The following EIF4H variants were observed in gnomAD, a reference collection of about 807,000 sequenced individuals.
The protein encoded by EIF4H is Williams-Beuren syndrome chromosome region 1.
Under a neutral mutation model 30.6 loss-of-function variants are expected in EIF4H, and 8 were observed. The ratio of observed to expected loss-of-function variants is 0.26; its 90% CI spans 0.15 to 0.47. The LOEUF is 0.47. Ranked by LOEUF, EIF4H falls within the 20% of genes least tolerant of loss-of-function variation. The pLI, the probability that EIF4H is intolerant of heterozygous loss-of-function variation, is 0.99. For missense variants in EIF4H, 188 were observed against 339.5 expected (o/e 0.55, Z 3.51); for synonymous variants, 106 against 122.7 (o/e 0.86, Z 0.90).
intron 5 of EIF4H, 87 bp downstream of exon 5, chr7:74,190,393 G>A: frequency 7.5e-7 from 1 of 1,342,052 alleles, no homozygotes; most frequent in Non-Finnish European, 1.1e-6. Flanking sequence ...CGCCTGGCCG[G>A]ACTACTTATT....
In EIF4H at chr7:74,195,094, C is replaced by G. The variant is rs1801313845; in HGVS notation, c.608-75C>G. The stretch of plus-strand genomic sequence containing the variant: ...AGAAAGTGGGCTGGTTTGCTGACAG[C>G]AACATCAGCATGGTCGTTTTGCTGG... On this transcript the variant is annotated intron_variant, in intron 6 of 6. Transcript: ENST00000265753. The G allele has an allele frequency of 1.9e-6, 3 of 1,572,516 alleles. No individual in the cohort carries two copies. In the Admixed American group the frequency reaches 5.3e-5, roughly 28 times the overall value.
At chr7:74,179,715 T>C (rs373391728) in intron 1 of EIF4H, among the ~76,000 whole-genome samples, 1 of 152,070 alleles carries the variant, frequency 6.6e-6, no homozygotes, top group African/African-American at 2.4e-5. Context: ...GTTGGTGATT[T>C]GGAAAGGACC....
intron 5 of EIF4H, chr7:74,191,050 C>A: frequency 1.5e-5 from 6 of 401,696 alleles, no homozygotes; most frequent in Middle Eastern, 6.5e-4. Flanking sequence ...GCACCCTCCC[C>A]CCATCAAAAC....
intron 1 of EIF4H, among the ~76,000 whole-genome samples, chr7:74,177,551 C>G (rs1554707848): frequency 6.6e-6 from 1 of 152,084 alleles, no homozygotes; most frequent in African/African-American, 2.4e-5. Context: ...TACTTCCTGT[C>G]TCTGAGCATA....
At chr7:74,194,716 A>T (rs907930408) in intron 5 of EIF4H, 25 bp from the exon 6 acceptor site, 21 of 1,545,644 alleles carry the variant, frequency 1.4e-5, no homozygotes, top group Non-Finnish European at 1.6e-5. Context: ...TTGAAAAGTA[A>T]TTCAGTGTCC....
At chr7:74,189,470 A>G (rs1378330477) in intron 2 of EIF4H, among the ~76,000 whole-genome samples, 1 of 152,226 alleles carries the variant, frequency 6.6e-6, no homozygotes, top group Non-Finnish European at 1.5e-5. Context: ...GTGCATGTTC[A>G]GTTAGCATTT....
intron 5 of EIF4H, chr7:74,191,051 C>T (rs1456884242): frequency 3.0e-5 from 12 of 402,782 alleles, no homozygotes; most frequent in South Asian, 7.1e-5. Context: ...CACCCTCCCC[C>T]CATCAAAACA....
chr7:74,182,841 C>T (rs1353676121), intron 1 of EIF4H, among the ~76,000 whole-genome samples: 2 of 152,318 alleles, frequency 1.3e-5, no homozygotes, highest in Admixed American at 6.5e-5. Flanking sequence ...TCTGGCTCAC[C>T]CTAAGGGTTC....
At chr7:74,192,072 C>T (rs1430270849) in intron 5 of EIF4H, among the ~76,000 whole-genome samples, 3 of 152,210 alleles carry the variant, frequency 2.0e-5, no homozygotes, top group African/African-American at 4.8e-5. Flanking sequence ...AGCCACCGCG[C>T]CCGGCCCCCA....
intron 1 of EIF4H, among the ~76,000 whole-genome samples, chr7:74,180,898 G>A (rs1800944355): frequency 6.6e-6 from 1 of 152,202 alleles, no homozygotes; most frequent in Non-Finnish European, 1.5e-5. Context: ...ACTGCTGCTT[G>A]AGCTAAATAA....
At chr7:74,185,949 G>C (rs1801070765) in intron 1 of EIF4H, among the ~76,000 whole-genome samples, 1 of 151,480 alleles carries the variant, frequency 6.6e-6, no homozygotes, top group Non-Finnish European at 1.5e-5. Flanking sequence ...TTTTCCTCCT[G>C]AGTTTTCCAA....
chr7:74,183,790 C>G (rs1179184910), intron 1 of EIF4H: 1 of 152,122 alleles, frequency 6.6e-6, no homozygotes, highest in African/African-American at 2.4e-5. Context: ...CTCTGGGGTA[C>G]TCACATCCTA....
intron 1 of EIF4H, among the ~76,000 whole-genome samples, chr7:74,175,375 A>G (rs1383679723): frequency 6.6e-6 from 1 of 152,218 alleles, no homozygotes; most frequent in African/African-American, 2.4e-5. Context: ...GTTTTCTTGC[A>G]GAAAGGATTA....
Position 74,195,424 on chromosome 7 carries a change from A to C in EIF4H, c.*116A>C. ...CTGCGCCTGCCATTGGCCTCCTCACAGCGGAAACACAGCTTGTGAGTGCAT... is the reference window on the plus strand; with the variant it reads ...CTGCGCCTGCCATTGGCCTCCTCACCGCGGAAACACAGCTTGTGAGTGCAT... On this transcript the variant is annotated 3_prime_UTR_variant, in exon 7 of 7. Coordinates refer to ENST00000265753, the MANE Select transcript of EIF4H (RefSeq NM_022170.2). 2.4e-6 allele frequency: 3 copies of C among 1,233,632 alleles called. No individual in the cohort carries two copies. In the South Asian group the frequency reaches 4.6e-5, roughly 19 times the overall value. The allele number at this position is 1,233,632 out of a possible 1,614,324, so 76.4% of individuals were successfully genotyped here. A position where few individuals can be genotyped will look rare whatever the true frequency, so the allele number is the denominator to read the frequency against.
chr7:74,174,363 C>A lies in EIF4H; in HGVS notation c.-21C>A. 6.9e-7 allele frequency: 1 copy of A among 1,444,432 alleles called. No homozygotes were observed. The highest frequency in any genetic ancestry group is 9.2e-7 in the Non-Finnish European group (1 of 1,084,218). The allele number at this position is 1,444,432 out of a possible 1,614,324, so 89.5% of individuals were successfully genotyped here. On this transcript the variant is annotated 5_prime_UTR_variant, in exon 1 of 7. Transcript: ENST00000265753. Reference sequence around the variant, plus strand: ...GGTCCTTCCTCGCTCACCCTGGTTCCTCTCGGAGCGGAGACGGCAAATGGC... The same window carrying A: ...GGTCCTTCCTCGCTCACCCTGGTTCATCTCGGAGCGGAGACGGCAAATGGC...
chr7:74,182,097 C>G (rs1241520972), intron 1 of EIF4H, among the ~76,000 whole-genome samples: 1 of 152,070 alleles, frequency 6.6e-6, no homozygotes, highest in African/African-American at 2.4e-5. Context: ...TTTCCAGTAC[C>G]CAGTGTTCAG....
At chr7:74,194,672 A>G in intron 5 of EIF4H, 69 bp from the exon 6 acceptor site, 1 of 1,469,210 alleles carries the variant, frequency 6.8e-7, no homozygotes, top group Non-Finnish European at 9.0e-7. Flanking sequence ...CAATTCCCAG[A>G]ACATTATTCT....
At chr7:74,185,767 C>G (rs1801066436) in intron 1 of EIF4H, among the ~76,000 whole-genome samples, 1 of 152,034 alleles carries the variant, frequency 6.6e-6, no homozygotes, top group Non-Finnish European at 1.5e-5. Context: ...ATTTCCCCTG[C>G]AAAGAGGGTG....
intron 6 of EIF4H, 93 bp from the exon 7 acceptor site, chr7:74,195,076 G>T: frequency 2.6e-6 from 4 of 1,553,158 alleles, no homozygotes; most frequent in Non-Finnish European, 3.5e-6. Context: ...TTTAGAAAGT[G>T]GGCTGGTTTG....
Sources: allele counts gnomAD v4.1 joint callset (sites outside exome capture counted in the v4.1 genomes callset), GRCh38; gene constraint gnomAD v4.1.1; transcripts MANE v1.5; gene names NCBI Gene and HGNC (gene_info 2026-07-23, HGNC 2026-07-21).